The following CD2AP variants were observed in gnomAD, a reference collection of about 807,000 sequenced individuals.
The protein encoded by CD2AP is CD2-associated protein.
A neutral mutation model predicts 85.1 loss-of-function variants in CD2AP; 46 were observed. That is an observed-to-expected ratio of 0.54 (90% CI 0.43 to 0.69). The LOEUF (loss-of-function observed/expected upper bound fraction) is 0.69, where lower values mean the gene tolerates loss of function less well. Ranked by LOEUF, CD2AP falls within the 30% of genes least tolerant of loss-of-function variation. CD2AP has a pLI of 0.00. For synonymous variants in CD2AP, 255 were observed against 252.9 expected (o/e 1.01, Z -0.08); for missense variants, 769 against 729.5 (o/e 1.05, Z -0.62).
At chr6:47,580,554 A>G (rs1768448509) in intron 9 of CD2AP, among the ~76,000 whole-genome samples, 1 of 152,086 alleles carries the variant, frequency 6.6e-6, no homozygotes, top group African/African-American at 2.4e-5. Context: ...GGTACTTAGG[A>G]ATCTTAACCT....
rs147051428 is a variant in CD2AP at position 47,565,905 on chromosome 6, T to C, written c.542-8159T>C. Among the ~76,000 whole-genome samples the C allele has an allele frequency of 5.2e-3, 796 of 152,248 alleles. 5 individuals are homozygous for C. The highest frequency in any genetic ancestry group is 0.018 in the African/African-American group (746 of 41,552). On this transcript the variant is annotated intron_variant, in intron 5 of 17. Coordinates refer to ENST00000359314, the MANE Select transcript of CD2AP (RefSeq NM_012120.3). ...CACTTAGACTAAAAGCCAAAATCTT[T>C]TAAAATGGCTACAAATCCCTCTATG... is the stretch of plus-strand genomic sequence containing the variant.
intron 11 of CD2AP, among the ~76,000 whole-genome samples, chr6:47,594,837 A>G (rs1768895827): frequency 6.6e-6 from 1 of 152,070 alleles, no homozygotes; most frequent in Non-Finnish European, 1.5e-5. Flanking sequence ...TTGTGAAATA[A>G]GACTTGTAAT....
chr6:47,551,121 A>C (rs1249079794), intron 4 of CD2AP, among the ~76,000 whole-genome samples: 1 of 152,134 alleles, frequency 6.6e-6, no homozygotes, highest in African/African-American at 2.4e-5. Context: ...GAATCTCACA[A>C]ATCACCACTA....
chr6:47,576,257 G>T (rs1427204945), intron 6 of CD2AP, among the ~76,000 whole-genome samples: 1 of 152,076 alleles, frequency 6.6e-6, no homozygotes, highest in Non-Finnish European at 1.5e-5. Flanking sequence ...TTATTTTAGA[G>T]ATTCTAAAAT....
intron 13 of CD2AP, among the ~76,000 whole-genome samples, chr6:47,603,649 T>C (rs933553583): frequency 4.6e-5 from 7 of 152,112 alleles, no homozygotes; most frequent in African/African-American, 1.7e-4. Flanking sequence ...ATGCCAAACA[T>C]TGAAATGGTT....
At chr6:47,573,691 G>A (rs574042668) in intron 5 of CD2AP, among the ~76,000 whole-genome samples, 5 of 151,820 alleles carry the variant, frequency 3.3e-5, no homozygotes, top group East Asian at 1.9e-4. Context: ...GGGTTTCACC[G>A]TGTTAGCCAG....
At chr6:47,601,711 T>C (rs1769141108) in intron 13 of CD2AP, among the ~76,000 whole-genome samples, 1 of 151,998 alleles carries the variant, frequency 6.6e-6, no homozygotes, top group Non-Finnish European at 1.5e-5. Flanking sequence ...AAAAAAGTAT[T>C]TTGGCTCAAA....
At chr6:47,527,915 GT>G (rs1169236912) in intron 2 of CD2AP, among the ~76,000 whole-genome samples, 1 of 152,118 alleles carries the variant, frequency 6.6e-6, no homozygotes, top group Non-Finnish European at 1.5e-5. Flanking sequence ...ACCTACATTT[GT>G]TTTTTGGTTC....
At chr6:47,589,252 T>C (rs1230085773) in intron 11 of CD2AP, among the ~76,000 whole-genome samples, 2 of 151,852 alleles carry the variant, frequency 1.3e-5, no homozygotes, top group Non-Finnish European at 2.9e-5. Flanking sequence ...ATTCTGGAAG[T>C]TAGGTATTAA....
chr6:47,478,020 T>G lies in CD2AP; in HGVS notation c.-225T>G. Reference sequence around the variant, plus strand: ...CCGTGGCTCCTGGGGAGGCCAGGGGTGAGGAGCTGTCGCCGCCTTTGCCTC... The same window carrying G: ...CCGTGGCTCCTGGGGAGGCCAGGGGGGAGGAGCTGTCGCCGCCTTTGCCTC... On this transcript the variant is annotated 5_prime_UTR_variant, in exon 1 of 18. Transcript: ENST00000359314. 1 of 608,542 alleles carries G rather than the reference T, an allele frequency of 1.6e-6. No individual in the cohort carries two copies. The allele number at this position is 608,542 out of a possible 1,614,324, so 37.7% of individuals were successfully genotyped here. A position where few individuals can be genotyped will look rare whatever the true frequency, so the allele number is the denominator to read the frequency against.
chr6:47,590,126 G>A (rs1362304757), intron 11 of CD2AP, among the ~76,000 whole-genome samples: 1 of 151,942 alleles, frequency 6.6e-6, no homozygotes, highest in Non-Finnish European at 1.5e-5. Flanking sequence ...TATGACACAT[G>A]GCTAGAAACC....
chr6:47,544,232 A>G (rs1467457299), intron 3 of CD2AP, among the ~76,000 whole-genome samples: 1 of 152,180 alleles, frequency 6.6e-6, no homozygotes, highest in Non-Finnish European at 1.5e-5. Context: ...GTATTCCCAG[A>G]CTTGATTAGG....
rs370876825 is a variant in CD2AP at position 47,606,123 on chromosome 6, G to T, written c.1418-42G>T. On this transcript the variant is annotated intron_variant, in intron 13 of 17. Coordinates refer to ENST00000359314, the MANE Select transcript of CD2AP (RefSeq NM_012120.3). ...AACATTATTTTTTACCTTTAAAAAG[G>T]TACAGTTCTCTTAGTAAATAATGTT... The T allele has an allele frequency of 6.8e-6, 7 of 1,031,752 alleles. No individual in the cohort carries two copies. The South Asian group carries it at 9.0e-5, about 13-fold the overall frequency. The allele number at this position is 1,031,752 out of a possible 1,614,324, so 63.9% of individuals were successfully genotyped here. A position where few individuals can be genotyped will look rare whatever the true frequency, so the allele number is the denominator to read the frequency against.
chr6:47,559,940 T>A (rs189148458), intron 5 of CD2AP, among the ~76,000 whole-genome samples: 1 of 152,248 alleles, frequency 6.6e-6, no homozygotes, highest in African/African-American at 2.4e-5. Flanking sequence ...AAGTCATGAT[T>A]TACATATTAT....
At chr6:47,570,540 CT>C (rs61076747) in intron 5 of CD2AP, among the ~76,000 whole-genome samples, 150,639 of 152,154 alleles carry the variant, frequency 0.99, 74,587 homozygotes, top group Middle Eastern at 1. Context: ...TCCTTATCCT[CT>C]TTTCTTCTTT....
intron 2 of CD2AP, among the ~76,000 whole-genome samples, chr6:47,523,155 A>G (rs1469443028): frequency 6.6e-6 from 1 of 152,072 alleles, no homozygotes; most frequent in Non-Finnish European, 1.5e-5. Flanking sequence ...AAATGTATTG[A>G]CGACTTTAAT....
chr6:47,500,357 T>C (rs1303257972), intron 1 of CD2AP, among the ~76,000 whole-genome samples: 1 of 152,258 alleles, frequency 6.6e-6, no homozygotes, highest in East Asian at 1.9e-4. Flanking sequence ...TACAGAGCAG[T>C]TTGGTATTTC....
chr6:47,511,831 A>G (rs912664071), intron 2 of CD2AP, among the ~76,000 whole-genome samples: 5 of 152,202 alleles, frequency 3.3e-5, no homozygotes, highest in Non-Finnish European at 7.3e-5. Context: ...GTGCACGTTC[A>G]TCCTGGCTAA....
intron 2 of CD2AP, among the ~76,000 whole-genome samples, chr6:47,522,750 T>C (rs1582510891): frequency 6.6e-6 from 1 of 152,016 alleles, no homozygotes; most frequent in Non-Finnish European, 1.5e-5. Context: ...TTTTAAAAAA[T>C]TAGTTTGAAA....
Sources: gnomAD v4.1 joint callset for allele counts (sites outside exome capture counted in the v4.1 genomes callset) on GRCh38, gnomAD v4.1.1 for gene constraint, MANE v1.5 for transcripts, NCBI Gene and HGNC (gene_info 2026-07-23, HGNC 2026-07-21) for gene names.